BRD8: variants seen among roughly 807,000 people sequenced by gnomAD.
The protein encoded by BRD8 is bromodomain-containing protein 8.
A neutral mutation model predicts 143.1 loss-of-function variants in BRD8; 67 were observed. The ratio of observed to expected loss-of-function variants is 0.47; its 90% CI spans 0.38 to 0.57. The LOEUF (loss-of-function observed/expected upper bound fraction) is 0.57, where lower values mean the gene tolerates loss of function less well. BRD8 is among the 20% of genes least tolerant of loss of function. The probability of loss-of-function intolerance (pLI) is 0.00; values close to 1 mark genes in which losing one functional copy is unlikely to be tolerated. For missense variants in BRD8, 1,103 were observed against 1,503.0 expected (o/e 0.73, Z 4.40); for synonymous variants, 505 against 517.1 (o/e 0.98, Z 0.32).
At chr5:138,168,580 C>G (rs1236120866) in intron 8 of BRD8, 1 of 1,609,086 alleles carries the variant, frequency 6.2e-7, no homozygotes, top group Non-Finnish European at 8.5e-7. Context: ...GGTGAATCAT[C>G]TGTTACTGGG....
At chr5:138,159,503 G>T (rs1752839482) in intron 20 of BRD8, 52 bp downstream of exon 20, 1 of 1,589,080 alleles carries the variant, frequency 6.3e-7, no homozygotes, top group East Asian at 2.2e-5. Flanking sequence ...CCCCCATTAA[G>T]AGCTGAGAAT....
Position 138,177,680 on chromosome 5 carries a change from G to GGAAA in BRD8, c.20-14_20-13insTTTC. 1 of 1,201,808 alleles carries GGAAA rather than the reference G, an allele frequency of 8.3e-7. No individual in the cohort carries two copies. Among genetic ancestry groups the GGAAA allele is most frequent in the African/African-American group, 1.6e-5 (1 of 61,702 alleles). 74.4% of individuals were successfully genotyped at this position (1,201,808 alleles called of 1,614,324 possible). ...AGCAGCTTGTGTTCTGGGAAAGGGA[G>GGAAA]AAAAAAAAAAAAGCCTTGGAAACAA... On this transcript the variant is annotated splice_polypyrimidine_tract_variant and intron_variant, in intron 1 of 26. Transcript: ENST00000254900.
chr5:138,152,829 C>T lies in BRD8; in HGVS notation c.2578-69G>A, dbSNP rs568495274. 9.9e-6 allele frequency: 15 copies of T among 1,511,684 alleles called. No homozygotes were observed. The African/African-American group carries it at 1.1e-4, about 11-fold the overall frequency. 93.6% of individuals were successfully genotyped at this position (1,511,684 alleles called of 1,614,324 possible). A position where few individuals can be genotyped will look rare whatever the true frequency, so the allele number is the denominator to read the frequency against. On this transcript the variant is annotated intron_variant, in intron 20 of 26. Transcript: ENST00000254900. ...ATATTCCTGAGGCATCTCCATCTCCCGAGTTCAGTAGAAAAATAAGGGGCC... is the reference window on the plus strand; with the variant it reads ...ATATTCCTGAGGCATCTCCATCTCCTGAGTTCAGTAGAAAAATAAGGGGCC...
At chr5:138,148,691 T>A (rs964260915) in intron 23 of BRD8, among the ~76,000 whole-genome samples, 9 of 151,844 alleles carry the variant, frequency 5.9e-5, no homozygotes, top group African/African-American at 1.7e-4. Context: ...TAAAAAAAAA[T>A]TTTTTTATCC....
chr5:138,169,190 T>C, intron 8 of BRD8, 32 bp downstream of exon 8: 2 of 1,607,344 alleles, frequency 1.2e-6, no homozygotes, highest in Non-Finnish European at 1.7e-6. Flanking sequence ...GCCCCTTCAC[T>C]GATCAATTCC....
In BRD8 at chr5:138,168,042, G is replaced by C. The variant is rs749515635; in HGVS notation, c.679C>G (p.Leu227Val). 2.5e-6 allele frequency: 4 copies of C among 1,613,342 alleles called. No individual in the cohort carries two copies. Among genetic ancestry groups the C allele is most frequent in the Non-Finnish European group, 3.4e-6 (4 of 1,179,470 alleles). ...ESEMAVASGH[L>V]NSTGVLLEVG... ...TCCAGGAGGACACCTGTACTGTTCAGGTGGCCAGAAGCCACAGCCATTTCA... is the reference window on the plus strand; with the variant it reads ...TCCAGGAGGACACCTGTACTGTTCACGTGGCCAGAAGCCACAGCCATTTCA... The change falls in exon 9 of 27, where the codon CTG becomes GTG. Residue 227 changes from leucine to valine, a missense_variant. This residue lies in a region of BRD8 where 334 missense variants were observed against 372.5 expected (regional missense o/e 0.90). Transcript: ENST00000254900.
intron 9 of BRD8, among the ~76,000 whole-genome samples, chr5:138,167,385 A>G (rs886292006): frequency 6.6e-6 from 1 of 152,162 alleles, no homozygotes; most frequent in African/African-American, 2.4e-5. Context: ...AGTTCAGCAT[A>G]TTGTAAACCA....
chr5:138,143,111 T>A (rs1448297696), intron 25 of BRD8, among the ~76,000 whole-genome samples: 2 of 151,208 alleles, frequency 1.3e-5, no homozygotes, highest in Non-Finnish European at 2.9e-5. Flanking sequence ...ATGGTGAAAC[T>A]CTATCTCTAT....
At chr5:138,160,022 T>C (rs1455952597) in intron 19 of BRD8, 47 bp downstream of exon 19, 1 of 1,458,158 alleles carries the variant, frequency 6.9e-7, no homozygotes. Flanking sequence ...GCTTCAGACT[T>C]CTACTACTGG....
Position 138,161,146 on chromosome 5 carries a change from T to C in BRD8, c.2250-78A>G, listed in dbSNP as rs746775458. 10 of 1,193,346 alleles carry C rather than the reference T, an allele frequency of 8.4e-6. No individual in the cohort carries two copies. In the South Asian group the frequency reaches 1.6e-4, roughly 20 times the overall value. The allele number at this position is 1,193,346 out of a possible 1,614,324, so 73.9% of individuals were successfully genotyped here. On this transcript the variant is annotated intron_variant, in intron 17 of 26. Coordinates refer to ENST00000254900, the MANE Select transcript of BRD8 (RefSeq NM_139199.2). Reference sequence around the variant, plus strand: ...CTAGATCTATGAATACATTATCATATAGACTTTCTCATATATACCTTAACT... The same window carrying C: ...CTAGATCTATGAATACATTATCATACAGACTTTCTCATATATACCTTAACT...
At chr5:138,172,456 G>A (rs369419196) in intron 2 of BRD8, among the ~76,000 whole-genome samples, 2 of 143,344 alleles carry the variant, frequency 1.4e-5, no homozygotes, top group Non-Finnish European at 3.0e-5. Context: ...ACAGGAGGCG[G>A]AGGTCACAGT....
chr5:138,160,734 G>A (rs1285959143), intron 18 of BRD8, among the ~76,000 whole-genome samples, 157 bp downstream of exon 18: 1 of 152,100 alleles, frequency 6.6e-6, no homozygotes, highest in East Asian at 1.9e-4. Flanking sequence ...CCACACCAAA[G>A]AAAATAAAAG....
intron 14 of BRD8, 140 bp from the exon 15 acceptor site, chr5:138,163,484 A>G: frequency 7.4e-7 from 1 of 1,348,258 alleles, no homozygotes; most frequent in East Asian, 2.5e-5. Context: ...TCTATCACTT[A>G]TACTACCATC....
chr5:138,153,673 C>CTTT (rs67848204), intron 20 of BRD8, among the ~76,000 whole-genome samples: 8 of 107,340 alleles, frequency 7.5e-5, no homozygotes, highest in South Asian at 3.2e-4. Context: ...CTTTTCTTTT[C>CTTT]TTTTTTTTTT....
Position 138,170,823 on chromosome 5 carries a change from A to G in BRD8, c.440+9T>C, listed in dbSNP as rs1431361432. ...AAGAAGCACAGAAGAACAATATAAT[A>G]TAACCCACGTTGCAATGTCATTGCA... On this transcript the variant is annotated intron_variant, in intron 6 of 26. Coordinates refer to ENST00000254900, the MANE Select transcript of BRD8 (RefSeq NM_139199.2). 6.2e-7 allele frequency: 1 copy of G among 1,610,958 alleles called. No individual in the cohort carries two copies. The highest frequency in any genetic ancestry group is 8.5e-7 in the Non-Finnish European group (1 of 1,177,106).
At position 138,152,752 on chromosome 5, in the gene BRD8, G is replaced by A. The variant is rs377420819; in HGVS notation, c.2586C>T (p.His862=). 6.8e-6 allele frequency: 11 copies of A among 1,612,748 alleles called. No homozygotes were observed. Among genetic ancestry groups the A allele is most frequent in the South Asian group, 2.2e-5 (2 of 91,002 alleles). ...GTTCAGAATCCAGCCAAACCCACTCGTGTCCCATCTGTAAATACACAGGAA... is the reference window on the plus strand; with the variant it reads ...GTTCAGAATCCAGCCAAACCCACTCATGTCCCATCTGTAAATACACAGGAA... ...PAFLLSLFMG[H]EWVWLDSEQD... is the part of the protein sequence containing the mutation. Residue 862 remains histidine (H), a synonymous_variant, in exon 21 of 27, where the codon CAC becomes CAT. Coordinates refer to ENST00000254900, the MANE Select transcript of BRD8 (RefSeq NM_139199.2).
chr5:138,156,933 GT>G, intron 20 of BRD8: 3 of 1,209,070 alleles, frequency 2.5e-6, no homozygotes, highest in Non-Finnish European at 3.1e-6. Flanking sequence ...ACTGGTGGTT[GT>G]TTTTTTTAAA....
Position 138,164,896 on chromosome 5 carries a change from G to A in BRD8, c.1549C>T (p.Pro517Ser). 2.5e-6 allele frequency: 4 copies of A among 1,614,166 alleles called. No individual in the cohort carries two copies. Among genetic ancestry groups the A allele is most frequent in the Non-Finnish European group, 3.4e-6 (4 of 1,180,032 alleles). ...EIKVEPAEPE[P>S]VISGAEIVAG... ...ACTATTTCGGCTCCTGAAATGACTG[G>A]CTCTGGTTCTGCAGGTTCCACCTTG... Residue 517 changes from proline to serine, a missense_variant, in exon 12 of 27, where the codon CCA becomes TCA. This residue lies in a region of BRD8 where 139 missense variants were observed against 139.0 expected (regional missense o/e 1.00). Coordinates refer to ENST00000254900, the MANE Select transcript of BRD8 (RefSeq NM_139199.2).
chr5:138,169,372 G>T lies in BRD8; in HGVS notation c.506-14C>A. 1 of 1,611,790 alleles carries T rather than the reference G, an allele frequency of 6.2e-7. No homozygotes were observed. The highest frequency in any genetic ancestry group is 1.1e-5 in the South Asian group (1 of 90,582). ...CTGCTTGACGAGCTAGAACATAAAA[G>T]AGAACAATGTCCAAATCTTCAAGAT... On this transcript the variant is annotated splice_polypyrimidine_tract_variant and intron_variant, in intron 7 of 26. Transcript: ENST00000254900.
Sources: gnomAD v4.1 joint callset for allele counts (sites outside exome capture counted in the v4.1 genomes callset) on GRCh38, gnomAD v4.1.1 for gene constraint, gnomAD v4.1.1 regional missense constraint, MANE v1.5 for transcripts, NCBI Gene and HGNC (gene_info 2026-07-23, HGNC 2026-07-21) for gene names.